WDR20: variants seen among roughly 807,000 people sequenced by gnomAD.
WDR20 encodes WD repeat domain 20, also known as WD repeat-containing protein 20.
WDR20 carries 3 observed loss-of-function variants against 38.7 expected under a neutral mutation model. That is an observed-to-expected ratio of 0.08 (90% CI 0.04 to 0.20). The LOEUF (loss-of-function observed/expected upper bound fraction) is 0.20. WDR20 is among the 10% of genes least tolerant of loss of function. The pLI is 1.00. For missense variants in WDR20, 559 were observed against 727.7 expected, an observed-to-expected ratio of 0.77 and a Z score of 2.67; for synonymous variants, 298 against 285.6, an observed-to-expected ratio of 1.04 and a Z score of -0.44.
chr14:102,139,638 G>A (rs760414416), upstream of WDR20: 1 of 643,998 alleles, frequency 1.6e-6, no homozygotes, highest in Non-Finnish European at 2.6e-6. Flanking sequence ...CCCACTAGCT[G>A]AAGCCGGCAT....
chr14:102,152,191 T>C (rs577049409), intron 1 of WDR20, among the ~76,000 whole-genome samples: 18 of 152,080 alleles, frequency 1.2e-4, no homozygotes, highest in Non-Finnish European at 2.4e-4. Flanking sequence ...GGTAGGATTA[T>C]AGGTGTGAGC....
downstream of WDR20, chr14:102,212,644 C>G (rs754369548): frequency 1.3e-6 from 2 of 1,532,888 alleles, no homozygotes; most frequent in African/African-American, 2.7e-5. Context: ...CCCTTCTCCT[C>G]GGCTGTGCTT....
chr14:102,213,368 A>G (rs764900116), downstream of WDR20: 6 of 985,360 alleles, frequency 6.1e-6, no homozygotes, highest in Non-Finnish European at 7.2e-6. Context: ...AAATTTGCTT[A>G]AATCATGGTA....
At chr14:102,199,048 G>C (rs143670354) in intron 2 of WDR20, among the ~76,000 whole-genome samples, 1 of 152,098 alleles carries the variant, frequency 6.6e-6, no homozygotes, top group Non-Finnish European at 1.5e-5. Flanking sequence ...AACAAAGAAG[G>C]CCTGGGTCTG....
chr14:102,204,659 G>GGGA (rs2061175092), intron 2 of WDR20, among the ~76,000 whole-genome samples: 1 of 152,196 alleles, frequency 6.6e-6, no homozygotes. Context: ...CCTTCCTGTA[G>GGGA]GGAGACAGGC....
chr14:102,193,550 T>G, intron 1 of WDR20: 2 of 1,603,360 alleles, frequency 1.2e-6, no homozygotes, highest in Non-Finnish European at 1.7e-6. Context: ...GCATGCACCC[T>G]CATTCCTTTG....
intron 2 of WDR20, among the ~76,000 whole-genome samples, chr14:102,199,702 T>C (rs1279435463): frequency 6.6e-6 from 1 of 152,120 alleles, no homozygotes. Context: ...ATGTAATAAA[T>C]GTTGGGATGG....
rs1420351785 is a variant in WDR20 at position 102,190,982 on chromosome 14, C to G, written c.250-3956C>G. 4.9e-5 allele frequency among the ~76,000 whole-genome samples: 7 copies of G among 143,280 alleles called. No individual in the cohort carries two copies. The East Asian group carries it at 1.2e-3, about 25-fold the overall frequency. 94.0% of individuals were successfully genotyped at this position (143,280 alleles called of 152,430 possible). A position where few individuals can be genotyped will look rare whatever the true frequency, so the allele number is the denominator to read the frequency against. ...TGCCAGTGCACTGTAGCCTTGGCAA[C>G]AGAGCGAGACTCTATCTCAAAAAAA... On this transcript the variant is annotated intron_variant, in intron 1 of 2. Transcript: ENST00000342702.
At chr14:102,178,391 CA>C (rs34653819) in intron 1 of WDR20, among the ~76,000 whole-genome samples, 126,887 of 143,358 alleles carry the variant, frequency 0.89, 56,047 homozygotes, top group East Asian at 0.99. Flanking sequence ...GACTCTGTCT[CA>C]AAAAAAAAAA....
Position 102,189,067 on chromosome 14 carries a change from G to A in WDR20, c.250-5871G>A, listed in dbSNP as rs551759440. On this transcript the variant is annotated intron_variant, in intron 1 of 2. Coordinates refer to ENST00000342702, the MANE Select transcript of WDR20 (RefSeq NM_144574.4). The stretch of plus-strand genomic sequence containing the variant: ...TCTACAAAAAATACAAAAATTAGCT[G>A]GGCGTGGTGGCACGTACCTGTAATC... 4.5e-3 allele frequency among the ~76,000 whole-genome samples: 687 copies of A among 151,680 alleles called. 7 individuals are homozygous for A. Among genetic ancestry groups the A allele is most frequent in the African/African-American group, 0.015 (637 of 41,338 alleles).
chr14:102,186,487 A>G (rs1055560616), intron 1 of WDR20, among the ~76,000 whole-genome samples: 1 of 152,146 alleles, frequency 6.6e-6, no homozygotes, highest in African/African-American at 2.4e-5. Flanking sequence ...CAAAAGGTGA[A>G]TATCAGCTCT....
rs2062162304 is a variant in WDR20 at position 102,209,588 on chromosome 14, A to C, written c.1418A>C (p.His473Pro). The C allele has an allele frequency of 6.2e-7, 1 of 1,614,230 alleles. No individual in the cohort carries two copies. The highest frequency in any genetic ancestry group is 2.2e-5 in the East Asian group (1 of 44,890). Residue 473 changes from histidine (H) to proline (P), a missense_variant, in exon 3 of 3, where the codon CAC (histidine) becomes CCC (proline). His to Pro is a moderately conservative substitution (Grantham distance 77). Coordinates refer to ENST00000342702, the MANE Select transcript of WDR20 (RefSeq NM_144574.4). The surrounding 1 kb of genome is among the most constrained non-coding windows in gnomAD (Gnocchi z 6.0). ...TLSLHDRKER[H>P]HEKDHKRNHS... ...TCACTACATGACCGGAAGGAGAGGC[A>C]CCACGAGAAAGATCACAAGCGAAAT...
At chr14:102,223,717 C>T (rs922403065), downstream of WDR20, 13 of 152,254 alleles carry the variant, frequency 8.5e-5, no homozygotes, top group Admixed American at 2.0e-4. Flanking sequence ...TTGTCCTGTA[C>T]ATTTGGGTTG....
chr14:102,154,377 A>G (rs192157645), intron 1 of WDR20, among the ~76,000 whole-genome samples: 2 of 152,266 alleles, frequency 1.3e-5, no homozygotes, highest in Non-Finnish European at 1.5e-5. Flanking sequence ...GTGTCCTCAC[A>G]TGGTGGAGGG....
chr14:102,213,773 C>CT, downstream of WDR20: 1 of 985,354 alleles, frequency 1.0e-6, no homozygotes, highest in South Asian at 4.7e-5. Context: ...CATCACCTCT[C>CT]GCCTGGGAGG....
chr14:102,218,146 C>A (rs771567869), downstream of WDR20, among the ~76,000 whole-genome samples: 5 of 152,248 alleles, frequency 3.3e-5, no homozygotes, highest in Non-Finnish European at 7.3e-5. Context: ...GCGTGCCTGC[C>A]ATGAAACGGG....
rs754673182 is a variant in WDR20 at position 102,209,153 on chromosome 14, G to C, written c.983G>C (p.Ser328Thr). The change falls in exon 3 of 3, where the codon AGT becomes ACT. Residue 328 changes from serine to threonine, a missense_variant. By Grantham distance (58) the Ser-to-Thr change is moderately conservative. Coordinates refer to ENST00000342702, the MANE Select transcript of WDR20 (RefSeq NM_144574.4). This position sits in a 1 kb window ranked among gnomAD's most constrained non-coding sequence, Gnocchi z 6.0. ...GAAGAAGGTGACCCTATGGAGTTTA[G>C]TGGCAGCGATGAGGACTTCCAAGAC... is the stretch of plus-strand genomic sequence containing the variant. ...SVEEGDPMEF[S>T]GSDEDFQDLL... 3.7e-6 allele frequency: 6 copies of C among 1,613,924 alleles called. No individual in the cohort carries two copies. The highest frequency in any genetic ancestry group is 4.2e-6 in the Non-Finnish European group (5 of 1,179,946).
At chr14:102,155,632 T>C (rs1438200230) in intron 1 of WDR20, among the ~76,000 whole-genome samples, 1 of 152,164 alleles carries the variant, frequency 6.6e-6, no homozygotes, top group African/African-American at 2.4e-5. Flanking sequence ...ATTTAGAGGG[T>C]AGCCTGAATG....
chr14:102,172,562 G>A (rs1421119085), intron 1 of WDR20, among the ~76,000 whole-genome samples: 16 of 142,104 alleles, frequency 1.1e-4, no homozygotes, highest in African/African-American at 3.4e-4. Flanking sequence ...CCTCCCGGAC[G>A]GGGCGGCTGG....
Sources: gnomAD v4.1 joint callset for allele counts (sites outside exome capture counted in the v4.1 genomes callset) on GRCh38, gnomAD v4.1.1 for gene constraint, Gnocchi (gnomAD v3.1) non-coding constraint, MANE v1.5 for transcripts, NCBI Gene and HGNC (gene_info 2026-07-23, HGNC 2026-07-21) for gene names.